ACKR3: variants seen among roughly 807,000 people sequenced by gnomAD.
ACKR3 encodes the protein C-X-C chemokine receptor type 7.
Under a neutral mutation model 22.4 loss-of-function variants are expected in ACKR3, and 6 were observed. The observed-to-expected ratio is 0.27, with a 90% CI of 0.15 to 0.53. The LOEUF (loss-of-function observed/expected upper bound fraction) is 0.53. Ranked by LOEUF, ACKR3 falls within the 20% of genes least tolerant of loss-of-function variation. The pLI is 0.96. For synonymous variants in ACKR3, 209 were observed against 205.2 expected, an observed-to-expected ratio of 1.02 and a Z score of -0.16; for missense variants, 396 against 475.2, an observed-to-expected ratio of 0.83 and a Z score of 1.55.
Position 236,580,751 on chromosome 2 carries a change from A to G in ACKR3, c.286A>G (p.Thr96Ala). The G allele has an allele frequency of 6.2e-7, 1 of 1,613,926 alleles. No individual in the cohort carries two copies. Among genetic ancestry groups the G allele is most frequent in the Non-Finnish European group, 8.5e-7 (1 of 1,179,986 alleles). Reference sequence around the variant, plus strand: ...CATTGCCGACCTGTGGGTTGTCCTCACCATCCCAGTCTGGGTGGTCAGTCT... The same window carrying G: ...CATTGCCGACCTGTGGGTTGTCCTCGCCATCCCAGTCTGGGTGGTCAGTCT... ...LAIADLWVVL[T>A]IPVWVVSLVQ... is the part of the protein sequence containing the mutation. Residue 96 changes from threonine to alanine, a missense_variant, in exon 2 of 2, where the codon ACC (threonine) becomes GCC (alanine). Thr to Ala is a moderately conservative substitution (Grantham distance 58). Coordinates refer to ENST00000272928, the MANE Select transcript of ACKR3 (RefSeq NM_020311.3).
chr2:236,539,602 C>T, the ACKR3 span, among the ~76,000 whole-genome samples: 3 of 152,130 alleles, frequency 2.0e-5, no homozygotes, highest in Non-Finnish European at 2.9e-5. Flanking sequence ...CATGAGCATC[C>T]GCCTTGGCCT....
At chr2:236,568,609 C>G (rs899050665), upstream of ACKR3, among the ~76,000 whole-genome samples, 8 of 152,332 alleles carry the variant, frequency 5.3e-5, no homozygotes, top group East Asian at 1.5e-3. Context: ...CAGGTGTGCA[C>G]CTCGCCTCCC....
In ACKR3 at chr2:236,580,726, C is replaced by T. The variant is rs202036823; in HGVS notation, c.261C>T (p.Ala87=). 2.9e-4 allele frequency: 469 copies of T among 1,614,088 alleles called. No individual in the cohort carries two copies. Among genetic ancestry groups the T allele is most frequent in the Non-Finnish European group, 3.9e-4 (461 of 1,180,040 alleles). ...CGCACTGCTACATCTTGAACCTGGC[C>T]ATTGCCGACCTGTGGGTTGTCCTCA... ...YDTHCYILNL[A]IADLWVVLTI... is the part of the protein sequence containing the mutation. The change falls in exon 2 of 2, where the codon GCC becomes GCT. Residue 87 remains alanine (A), a synonymous_variant. Transcript: ENST00000272928.
In ACKR3 at chr2:236,570,844, C is replaced by CTCTT. The variant is rs3217622; in HGVS notation, c.-27+939_-27+942dup. ...ACTGGCTGTCTCTCTTTCTCTCTTC[C>CTCTT]TCTTTCTTTCTTTCTTTCTTTCCTT... On this transcript the variant is annotated intron_variant, in intron 1 of 1. Coordinates refer to ENST00000272928, the MANE Select transcript of ACKR3 (RefSeq NM_020311.3). 2.4e-3 allele frequency among the ~76,000 whole-genome samples: 367 copies of CTCTT among 151,598 alleles called. 1 individual carries two copies. Among genetic ancestry groups the CTCTT allele is most frequent in the East Asian group, 4.5e-3 (23 of 5,116 alleles).
At chr2:236,555,815 TA>T in the ACKR3 span, among the ~76,000 whole-genome samples, 1 of 130,584 alleles carries the variant, frequency 7.7e-6, no homozygotes, top group African/African-American at 4.1e-5. Flanking sequence ...CTTTTTACCT[TA>T]AAGGAAAAAA....
At chr2:236,550,791 G>T in the ACKR3 span, among the ~76,000 whole-genome samples, 1 of 152,166 alleles carries the variant, frequency 6.6e-6, no homozygotes, top group Non-Finnish European at 1.5e-5. The surrounding 1 kb of genome is among the most constrained non-coding windows in gnomAD (Gnocchi z 4.6). Context: ...CTCCATTAAC[G>T]AGCGGCTACT....
At chr2:236,573,174 A>T (rs1691343314) in intron 1 of ACKR3, among the ~76,000 whole-genome samples, 1 of 152,138 alleles carries the variant, frequency 6.6e-6, no homozygotes, top group African/African-American at 2.4e-5. Context: ...ACACAGACAC[A>T]CAGACACACA....
At chr2:236,549,270 C>T in the ACKR3 span, among the ~76,000 whole-genome samples, 1 of 152,198 alleles carries the variant, frequency 6.6e-6, no homozygotes, top group Non-Finnish European at 1.5e-5. The surrounding 1 kb of genome is among the most constrained non-coding windows in gnomAD (Gnocchi z 5.3). Context: ...CCTTTGCCAG[C>T]CCCAGCCTGC....
chr2:236,570,672 CTT>C (rs1196326425), intron 1 of ACKR3, among the ~76,000 whole-genome samples: 31 of 152,314 alleles, frequency 2.0e-4, no homozygotes, highest in Admixed American at 1.7e-3. Context: ...TAAATATACT[CTT>C]CAGGTAAAAT....
At chr2:236,553,685 G>A in the ACKR3 span, among the ~76,000 whole-genome samples, 1 of 152,272 alleles carries the variant, frequency 6.6e-6, no homozygotes, top group Non-Finnish European at 1.5e-5. Context: ...TGAAGCTCAG[G>A]AGGGTTTCCC....
the ACKR3 span, among the ~76,000 whole-genome samples, chr2:236,550,033 G>A: frequency 3.3e-5 from 5 of 152,142 alleles, no homozygotes; most frequent in Admixed American, 2.0e-4. This position sits in a 1 kb window ranked among gnomAD's most constrained non-coding sequence, Gnocchi z 4.6. Context: ...CCAGGTACCC[G>A]GGGCCCTTTT....
the ACKR3 span, among the ~76,000 whole-genome samples, chr2:236,537,928 C>CT: frequency 0.13 from 20,203 of 152,134 alleles, 1,987 homozygotes; most frequent in African/African-American, 0.27. Context: ...GCAATCAGTT[C>CT]TGCAGATTAC....
intron 1 of ACKR3, among the ~76,000 whole-genome samples, chr2:236,578,170 C>T (rs935513439): frequency 3.9e-5 from 6 of 152,172 alleles, no homozygotes; most frequent in Middle Eastern, 3.2e-3. Context: ...GGAAAGATGG[C>T]GATAGTAGCT....
chr2:236,579,289 C>G (rs932421360), intron 1 of ACKR3, among the ~76,000 whole-genome samples: 1 of 152,170 alleles, frequency 6.6e-6, no homozygotes, highest in South Asian at 2.1e-4. Context: ...CCAGTCATTA[C>G]CTGGGACAGG....
At chr2:236,578,189 C>T (rs1052600099) in intron 1 of ACKR3, among the ~76,000 whole-genome samples, 22 of 152,190 alleles carry the variant, frequency 1.4e-4, no homozygotes, top group African/African-American at 4.8e-4. Context: ...CTTCAAGGCA[C>T]GGCCTGGGGT....
At chr2:236,537,532 A>G in the ACKR3 span, among the ~76,000 whole-genome samples, 2 of 152,144 alleles carry the variant, frequency 1.3e-5, no homozygotes, top group South Asian at 4.1e-4. Flanking sequence ...CTGAAGTTTG[A>G]ACAGCAGTTC....
At chr2:236,561,528 G>C in the ACKR3 span, among the ~76,000 whole-genome samples, 1 of 149,308 alleles carries the variant, frequency 6.7e-6, no homozygotes, top group Non-Finnish European at 1.5e-5. Flanking sequence ...TTTTTTTTGA[G>C]ACGGAGTCTC....
intron 1 of ACKR3, among the ~76,000 whole-genome samples, chr2:236,571,635 A>C (rs1006649781): frequency 5.9e-5 from 9 of 151,432 alleles, no homozygotes; most frequent in South Asian, 2.1e-4. Context: ...AAAAAAAAAA[A>C]AAAAAAACCC....
chr2:236,543,741 T>C, the ACKR3 span, among the ~76,000 whole-genome samples: 2 of 151,904 alleles, frequency 1.3e-5, no homozygotes, highest in Admixed American at 6.6e-5. Flanking sequence ...ACTTGTATTA[T>C]CTGGAAGTGA....
Sources: gnomAD v4.1 joint callset for allele counts (sites outside exome capture counted in the v4.1 genomes callset) on GRCh38, gnomAD v4.1.1 for gene constraint, Gnocchi (gnomAD v3.1) non-coding constraint, MANE v1.5 for transcripts, NCBI Gene and HGNC (gene_info 2026-07-23, HGNC 2026-07-21) for gene names.